CDCP1: variants seen among roughly 807,000 people sequenced by gnomAD.
CDCP1 encodes CUB domain-containing protein 1.
CDCP1 carries 29 observed loss-of-function variants against 60.2 expected under a neutral mutation model. The ratio of observed to expected loss-of-function variants is 0.48; its 90% confidence interval spans 0.36 to 0.66. CDCP1 has a LOEUF of 0.66. Ranked by LOEUF, CDCP1 falls within the 30% of genes least tolerant of loss-of-function variation. The pLI, the probability that CDCP1 is intolerant of heterozygous loss-of-function variation, is 0.00. For synonymous variants in CDCP1, 387 were observed against 431.1 expected, an observed-to-expected ratio of 0.90 and a Z score of 1.27; for missense variants, 876 against 1,074.3, an observed-to-expected ratio of 0.82 and a Z score of 2.58.
At chr3:45,102,642 TAAA>T (rs770440044) in intron 4 of CDCP1, among the ~76,000 whole-genome samples, 2 of 122,292 alleles carry the variant, frequency 1.6e-5, no homozygotes, top group Admixed American at 8.2e-5. Context: ...CTGTTTCTAC[TAAA>T]AAAAAAAAAA....
chr3:45,110,708 G>A lies in CDCP1; in HGVS notation c.789C>T (p.Ser263=), dbSNP rs762671369. 29 of 1,614,084 alleles carry A rather than the reference G, an allele frequency of 1.8e-5. No individual in the cohort carries two copies. The highest frequency in any genetic ancestry group is 4.0e-5 in the African/African-American group (3 of 74,916). ...QFVVPAHLRA[S]VSFLNFNLSN... Reference sequence around the variant, plus strand: ...AGAGGTTGAAGTTGAGGAAGGAGACGCTGGCCCGCAGGTGTGCAGGAACGA... The same window carrying A: ...AGAGGTTGAAGTTGAGGAAGGAGACACTGGCCCGCAGGTGTGCAGGAACGA... The change falls in exon 4 of 9, where the codon AGC becomes AGT. Residue 263 remains serine, a synonymous_variant. Transcript: ENST00000296129.
chr3:45,139,916 C>T (rs1699255918), intron 1 of CDCP1, among the ~76,000 whole-genome samples: 1 of 152,184 alleles, frequency 6.6e-6, no homozygotes, highest in African/African-American at 2.4e-5. Context: ...TTCATCTTAC[C>T]ACCTCTGCAT....
chr3:45,133,016 A>G (rs1490939657), intron 1 of CDCP1, among the ~76,000 whole-genome samples: 1 of 152,212 alleles, frequency 6.6e-6, no homozygotes, highest in African/African-American at 2.4e-5. Context: ...CTCTTAAAAT[A>G]GGCTGGGCTT....
At chr3:45,140,425 G>A (rs1414594096) in intron 1 of CDCP1, among the ~76,000 whole-genome samples, 1 of 152,204 alleles carries the variant, frequency 6.6e-6, no homozygotes, top group Non-Finnish European at 1.5e-5. Context: ...CGCCATCTGT[G>A]CTCAGGGAAC....
At chr3:45,121,415 C>T (rs1698881338) in intron 1 of CDCP1, among the ~76,000 whole-genome samples, 1 of 152,172 alleles carries the variant, frequency 6.6e-6, no homozygotes, top group African/African-American at 2.4e-5. Context: ...TTTCTGTAAT[C>T]ATGAAAACGT....
intron 1 of CDCP1, among the ~76,000 whole-genome samples, chr3:45,127,759 C>G (rs1169953353): frequency 6.6e-6 from 1 of 152,174 alleles, no homozygotes; most frequent in African/African-American, 2.4e-5. Context: ...ATTCCCATGG[C>G]TGGTTTCAGG....
At chr3:45,130,942 C>T (rs1234957411) in intron 1 of CDCP1, among the ~76,000 whole-genome samples, 2 of 152,138 alleles carry the variant, frequency 1.3e-5, no homozygotes, top group Non-Finnish European at 2.9e-5. Context: ...TCACAGCTCA[C>T]TGCAGCCTTG....
intron 1 of CDCP1, among the ~76,000 whole-genome samples, chr3:45,125,642 C>T (rs890829621): frequency 2.0e-5 from 3 of 152,206 alleles, no homozygotes; most frequent in African/African-American, 7.2e-5. Context: ...GGGTGCTAAG[C>T]AGACAACTAT....
chr3:45,126,606 C>T (rs563261497), intron 1 of CDCP1, among the ~76,000 whole-genome samples: 1 of 152,096 alleles, frequency 6.6e-6, no homozygotes, highest in Non-Finnish European at 1.5e-5. Flanking sequence ...GATCTGCCTA[C>T]CTGGAAATAG....
At chr3:45,102,965 A>ATTTT (rs57267322) in intron 4 of CDCP1, among the ~76,000 whole-genome samples, 1 of 148,818 alleles carries the variant, frequency 6.7e-6, no homozygotes, top group African/African-American at 2.5e-5. Context: ...CTTGGTCTTG[A>ATTTT]TTTTTTTTTT....
intron 1 of CDCP1, among the ~76,000 whole-genome samples, chr3:45,137,765 A>G (rs1576123160): frequency 6.7e-6 from 1 of 149,916 alleles, no homozygotes; most frequent in African/African-American, 2.4e-5. Context: ...GGCTGCAGTG[A>G]GTCGAGATCA....
At position 45,091,766 on chromosome 3, in the gene CDCP1, A is replaced by T. The variant is rs1282979079; in HGVS notation, c.1628-228T>A. Among the ~76,000 whole-genome samples the T allele has an allele frequency of 6.6e-6, 1 of 152,068 alleles. No homozygotes were observed. Among genetic ancestry groups the T allele is most frequent in the Non-Finnish European group, 1.5e-5 (1 of 68,016 alleles). ...AGCATGACCAAAGAACTGCATTTTA[A>T]ATTTGTTTCATGTTAATTTATTATT... On this transcript the variant is annotated intron_variant, in intron 6 of 8. Transcript: ENST00000296129. This position sits in a 1 kb window ranked among gnomAD's most constrained non-coding sequence, Gnocchi z 4.8.
Position 45,110,672 on chromosome 3 carries a change from C to T in CDCP1, c.825G>A (p.Glu275=). The T allele has an allele frequency of 6.2e-7, 1 of 1,614,186 alleles. No individual in the cohort carries two copies. Among genetic ancestry groups the T allele is most frequent in the East Asian group, 2.2e-5 (1 of 44,882 alleles). Residue 275 remains glutamate (E), a synonymous_variant, in exon 4 of 9, where the codon GAG becomes GAA. Coordinates refer to ENST00000296129, the MANE Select transcript of CDCP1 (RefSeq NM_022842.5). ...SFLNFNLSNC[E]RKEERVEYYI... ...AGTATTCAACCCGCTCCTCCTTCCT[C>T]TCACAGTTGGAGAGGTTGAAGTTGA...
chr3:45,110,975 G>C, intron 3 of CDCP1, 134 bp from the exon 4 acceptor site: 1 of 985,418 alleles, frequency 1.0e-6, no homozygotes, highest in Non-Finnish European at 1.5e-6. Flanking sequence ...TCTAGATACT[G>C]TATATTTGGA....
At chr3:45,145,865 C>T (rs72865134) in intron 1 of CDCP1, among the ~76,000 whole-genome samples, 4,592 of 152,184 alleles carry the variant, frequency 0.03, 260 homozygotes, top group African/African-American at 0.1. Flanking sequence ...GGACATGTCG[C>T]CTGGGATCGG....
At chr3:45,126,203 T>TTTCC (rs10655959) in intron 1 of CDCP1, among the ~76,000 whole-genome samples, 99,523 of 134,332 alleles carry the variant, frequency 0.74, 37,736 homozygotes, top group Middle Eastern at 0.86. Context: ...TCTTTCTTTC[T>TTTCC]TTCCTTCCTT....
At chr3:45,101,886 C>CAAA (rs34274441) in intron 4 of CDCP1, among the ~76,000 whole-genome samples, 9 of 110,700 alleles carry the variant, frequency 8.1e-5, no homozygotes, top group East Asian at 2.5e-4. Flanking sequence ...AACTCCAGCT[C>CAAA]AAAAAAAAAA....
intron 3 of CDCP1, 101 bp from the exon 4 acceptor site, chr3:45,110,942 G>C: frequency 1.5e-6 from 2 of 1,333,456 alleles, no homozygotes; most frequent in Non-Finnish European, 2.1e-6. Flanking sequence ...AATGACTGCA[G>C]TTCTCAGATC....
At chr3:45,146,112 G>GCACCCTCCA in intron 1 of CDCP1, 94 bp downstream of exon 1, 3 of 1,184,842 alleles carry the variant, frequency 2.5e-6, no homozygotes, top group Non-Finnish European at 3.5e-6. Flanking sequence ...CGCACCCTCC[G>GCACCCTCCA]CACCCTGCGT....
Sources: allele counts gnomAD v4.1 joint callset (sites outside exome capture counted in the v4.1 genomes callset), GRCh38; gene constraint gnomAD v4.1.1; non-coding constraint Gnocchi (gnomAD v3.1); transcripts MANE v1.5; gene names NCBI Gene and HGNC (gene_info 2026-07-23, HGNC 2026-07-21).